LIPK: variants seen among roughly 807,000 people sequenced by gnomAD.
LIPK encodes the protein lipase member K.
A neutral mutation model predicts 48.6 loss-of-function variants in LIPK; 32 were observed. The observed-to-expected ratio is 0.66, with a 90% CI of 0.50 to 0.88. LIPK has a LOEUF of 0.88. LIPK is among the 40% of genes least tolerant of loss of function. The pLI is 0.00. For missense variants in LIPK, 507 were observed against 478.5 expected, an observed-to-expected ratio of 1.06 and a Z score of -0.56; for synonymous variants, 164 against 157.4, an observed-to-expected ratio of 1.04 and a Z score of -0.32.
chr10:88,743,069 T>C (rs886698908), intron 8 of LIPK, among the ~76,000 whole-genome samples, 181 bp from the exon 9 acceptor site: 7 of 152,226 alleles, frequency 4.6e-5, no homozygotes, highest in Admixed American at 2.0e-4. Context: ...ATTGTACCAA[T>C]TCTGTGAATT....
In LIPK at chr10:88,724,568, T is replaced by C; in HGVS notation, c.25T>C (p.Cys9Arg). 3.1e-6 allele frequency: 5 copies of C among 1,609,210 alleles called. No individual in the cohort carries two copies. The highest frequency in any genetic ancestry group is 2.2e-5 in the East Asian group (1 of 44,752). Residue 9 changes from cysteine (C) to arginine (R), a missense_variant, in exon 2 of 10, where the codon TGC (cysteine) becomes CGC (arginine). Cys to Arg is a radical substitution (Grantham distance 180). Coordinates refer to ENST00000404190, the MANE Select transcript of LIPK (RefSeq NM_001080518.2). MWQLLAAA[C>R]WMLLLGSMYG... ...AATGTGGCAGCTTTTAGCAGCAGCA[T>C]GCTGGATGCTTCTTCTTGGATCTAT...
chr10:88,744,491 G>T (rs993975837), intron 9 of LIPK, among the ~76,000 whole-genome samples: 5 of 152,186 alleles, frequency 3.3e-5, no homozygotes, highest in African/African-American at 1.2e-4. Flanking sequence ...CACCTACCAA[G>T]GTTATAGCAC....
intron 3 of LIPK, 69 bp downstream of exon 3, chr10:88,726,981 C>G (rs1158319109): frequency 1.1e-6 from 1 of 926,422 alleles, no homozygotes; most frequent in East Asian, 2.6e-5. Flanking sequence ...TGGGAGAAGT[C>G]AAGCAGTTTT....
At chr10:88,731,408 T>C (rs1297118146) in intron 4 of LIPK, among the ~76,000 whole-genome samples, 6 of 152,050 alleles carry the variant, frequency 3.9e-5, no homozygotes, top group Non-Finnish European at 7.4e-5. Flanking sequence ...TGTCTGCGTG[T>C]GAGTGAGTGT....
At chr10:88,712,833 T>C (rs1842049494) in intron 1 of LIPK, among the ~76,000 whole-genome samples, 1 of 152,204 alleles carries the variant, frequency 6.6e-6, no homozygotes, top group African/African-American at 2.4e-5. Context: ...AGCTTTGAAA[T>C]AGTGCATTGC....
intron 8 of LIPK, among the ~76,000 whole-genome samples, chr10:88,742,764 TA>T (rs35342154): frequency 1.2e-4 from 18 of 149,296 alleles, no homozygotes; most frequent in South Asian, 4.2e-4. Context: ...CTTTTAATAG[TA>T]AAAAAAAAAA....
chr10:88,709,522 C>A (rs1019559838), intron 1 of LIPK, among the ~76,000 whole-genome samples: 20 of 151,806 alleles, frequency 1.3e-4, no homozygotes, highest in Middle Eastern at 3.4e-3. Context: ...TGAGAACATG[C>A]GGTGTTTGGA....
intron 1 of LIPK, among the ~76,000 whole-genome samples, chr10:88,723,803 T>A (rs1384801644): frequency 6.6e-6 from 1 of 152,060 alleles, no homozygotes; most frequent in African/African-American, 2.4e-5. Context: ...GTTTGTGTCA[T>A]CATTGAACTC....
chr10:88,737,814 T>C, intron 7 of LIPK, 33 bp downstream of exon 7: 1 of 1,609,324 alleles, frequency 6.2e-7, no homozygotes, highest in Non-Finnish European at 8.5e-7. Context: ...GGGAAAACAT[T>C]TGTTTTGTTG....
chr10:88,722,690 G>A (rs570677847), intron 1 of LIPK, among the ~76,000 whole-genome samples: 3 of 152,246 alleles, frequency 2.0e-5, no homozygotes, highest in African/African-American at 7.2e-5. Context: ...AAACTAGTCT[G>A]AATGGACGGA....
intron 1 of LIPK, among the ~76,000 whole-genome samples, chr10:88,710,976 T>C (rs1842016703): frequency 6.6e-6 from 1 of 152,210 alleles, no homozygotes; most frequent in East Asian, 1.9e-4. Flanking sequence ...TTTGGTGCAG[T>C]TGATGTTAGC....
At chr10:88,726,955 A>G in intron 3 of LIPK, 43 bp downstream of exon 3, 1 of 1,154,272 alleles carries the variant, frequency 8.7e-7, no homozygotes, top group African/African-American at 1.5e-5. Context: ...CTTAAAGCAG[A>G]GGTACTTAGA....
rs561657430 is a variant in LIPK at position 88,734,171 on chromosome 10, G to C, written c.669+1620G>C. Among the ~76,000 whole-genome samples, 204 of 152,244 alleles carry C rather than the reference G, an allele frequency of 1.3e-3. 1 individual carries two copies. The highest frequency in any genetic ancestry group is 2.4e-3 in the Non-Finnish European group (163 of 68,014). ...CTAGTAGAAATTCCAGTATTATAAT[G>C]ACAGAGTAAAAACATTGCTAGGCAA... On this transcript the variant is annotated intron_variant, in intron 6 of 9. Coordinates refer to ENST00000404190, the MANE Select transcript of LIPK (RefSeq NM_001080518.2).
chr10:88,752,172 C>G (rs910271272), intron 9 of LIPK, among the ~76,000 whole-genome samples: 1 of 152,104 alleles, frequency 6.6e-6, no homozygotes, highest in African/African-American at 2.4e-5. Flanking sequence ...GATATTTATC[C>G]TATCCGACAT....
At chr10:88,724,490 G>T in intron 1 of LIPK, 43 bp from the exon 2 acceptor site, 1 of 1,203,958 alleles carries the variant, frequency 8.3e-7, no homozygotes. Flanking sequence ...TCACTTCGTA[G>T]AATTTATCTT....
chr10:88,752,331 A>G (rs750719563), intron 9 of LIPK, among the ~76,000 whole-genome samples, 186 bp from the exon 10 acceptor site: 4 of 152,236 alleles, frequency 2.6e-5, no homozygotes, highest in Non-Finnish European at 2.9e-5. Context: ...TTCGATTCAC[A>G]ATTCATATTA....
At chr10:88,733,114 G>A (rs1292197435) in intron 6 of LIPK, among the ~76,000 whole-genome samples, 1 of 152,152 alleles carries the variant, frequency 6.6e-6, no homozygotes, top group East Asian at 1.9e-4. Context: ...GTTAACAATT[G>A]TTTTTGTTAT....
chr10:88,724,941 TC>T (rs1662434756), intron 2 of LIPK, among the ~76,000 whole-genome samples: 5 of 152,348 alleles, frequency 3.3e-5, no homozygotes, highest in Admixed American at 2.6e-4. Context: ...CTTTGAGTTT[TC>T]CCCGAGATTT....
At chr10:88,727,333 C>G (rs1842363780) in intron 3 of LIPK, among the ~76,000 whole-genome samples, 1 of 152,218 alleles carries the variant, frequency 6.6e-6, no homozygotes, top group Admixed American at 6.5e-5. Flanking sequence ...CTTCAATAAT[C>G]TTTCAAATCC....
Sources: gnomAD v4.1 joint callset for allele counts (sites outside exome capture counted in the v4.1 genomes callset) on GRCh38, gnomAD v4.1.1 for gene constraint, MANE v1.5 for transcripts, NCBI Gene and HGNC (gene_info 2026-07-23, HGNC 2026-07-21) for gene names.